JHY: variants seen among roughly 807,000 people sequenced by gnomAD.
The protein encoded by JHY is jhy protein homolog.
A neutral mutation model predicts 78.0 loss-of-function variants in JHY; 69 were observed. That is an observed-to-expected ratio of 0.88 (90% CI 0.73 to 1.08). The LOEUF is 1.08. Among genes scored for constraint, JHY ranks in the 50% least tolerant of loss-of-function variants. The pLI is 0.00. For synonymous variants in JHY, 368 were observed against 342.6 expected (o/e 1.07, Z -0.82); for missense variants, 944 against 927.8 (o/e 1.02, Z -0.23).
chr11:122,936,324 A>C (rs575981996), intron 5 of JHY, among the ~76,000 whole-genome samples: 1 of 152,320 alleles, frequency 6.6e-6, no homozygotes, highest in South Asian at 2.1e-4. Context: ...GAGTTGATCA[A>C]AGAACATTTA....
intron 5 of JHY, among the ~76,000 whole-genome samples, chr11:122,936,696 C>A (rs1356241041): frequency 2.0e-5 from 3 of 152,042 alleles, no homozygotes; most frequent in Non-Finnish European, 2.9e-5. Flanking sequence ...CCCTTTTATT[C>A]CTAGGGTTAA....
intron 2 of JHY, among the ~76,000 whole-genome samples, chr11:122,896,479 G>A (rs1018169644): frequency 2.0e-5 from 3 of 151,542 alleles, no homozygotes; most frequent in African/African-American, 7.3e-5. Context: ...GTTTCATCAT[G>A]TGAAAGTACT....
intron 2 of JHY, among the ~76,000 whole-genome samples, chr11:122,888,592 A>G (rs1185762296): frequency 6.6e-6 from 1 of 152,094 alleles, no homozygotes; most frequent in East Asian, 1.9e-4. Flanking sequence ...ACAGAGAAAA[A>G]TACAGTATAA....
Position 122,957,394 on chromosome 11 carries a change from C to A in JHY, c.2042C>A (p.Ala681Glu), listed in dbSNP as rs1864214793. ...AAATTAATACAGCAAAAGGAATATG[C>A]AAAACAAGTCAAGGAGTACAACATG... ...TQKLIQQKEYAKQVKEYNMKT... is the reference protein window; with the variant it reads ...TQKLIQQKEYEKQVKEYNMKT... Residue 681 changes from alanine to glutamate, a missense_variant, in exon 8 of 9, where the codon GCA becomes GAA. Coordinates refer to ENST00000227349, the MANE Select transcript of JHY (RefSeq NM_024806.4). 1 of 1,533,412 alleles carries A rather than the reference C, an allele frequency of 6.5e-7. No individual in the cohort carries two copies. Among genetic ancestry groups the A allele is most frequent in the Non-Finnish European group, 8.7e-7 (1 of 1,153,122 alleles). 95.0% of individuals were successfully genotyped at this position (1,533,412 alleles called of 1,614,324 possible).
intron 3 of JHY, chr11:122,905,143 A>G: frequency 6.6e-7 from 1 of 1,519,254 alleles, no homozygotes; most frequent in Middle Eastern, 1.7e-4. Context: ...AAATTGGGAC[A>G]GTAATAAATG....
intron 2 of JHY, among the ~76,000 whole-genome samples, chr11:122,896,777 A>T (rs529615926): frequency 6.6e-6 from 1 of 152,332 alleles, no homozygotes; most frequent in African/African-American, 2.4e-5. Flanking sequence ...GCTCTCTGAC[A>T]CGTGCTTCCA....
chr11:122,904,627 A>G (rs936735861), intron 3 of JHY, among the ~76,000 whole-genome samples, 183 bp downstream of exon 3: 2 of 152,204 alleles, frequency 1.3e-5, no homozygotes, highest in African/African-American at 4.8e-5. Flanking sequence ...TCTTATGACC[A>G]AAATAAAAGC....
intron 2 of JHY, among the ~76,000 whole-genome samples, chr11:122,888,127 A>T (rs969602207): frequency 6.6e-6 from 1 of 152,070 alleles, no homozygotes; most frequent in African/African-American, 2.4e-5. Context: ...AGTAAAAGTG[A>T]TAAGAGTTGT....
rs772741389 is a variant in JHY, at chr11:122,886,094, G to T, written c.245G>T (p.Trp82Leu). 6.2e-7 allele frequency: 1 copy of T among 1,614,144 alleles called. No homozygotes were observed. Among genetic ancestry groups the T allele is most frequent in the South Asian group, 1.1e-5 (1 of 91,080 alleles). ...DSLDEEESPR[W>L]GSLHEMEEEA... ...TTAGACGAGGAGGAAAGCCCTCGAT[G>T]GGGAAGCCTGCACGAGATGGAAGAG... is the stretch of plus-strand genomic sequence containing the variant. Residue 82 changes from tryptophan (W) to leucine (L), a missense_variant, in exon 2 of 9, where the codon TGG (tryptophan) becomes TTG (leucine). Trp to Leu is a moderately conservative substitution (Grantham distance 61). Coordinates refer to ENST00000227349, the MANE Select transcript of JHY (RefSeq NM_024806.4).
At chr11:122,905,032 A>C in intron 3 of JHY, 1 of 715,394 alleles carries the variant, frequency 1.4e-6, no homozygotes, top group Non-Finnish European at 2.3e-6. Flanking sequence ...TTTTTTTTTC[A>C]ATCTTCAGAT....
chr11:122,885,858 AC>A lies in JHY; in HGVS notation c.10del (p.Arg4ValfsTer3). ...TTTTTGCATTTTTCAAGATGAGTAA[AC>A]GTAAACTAATTCCCAAGCTCTCTAT... is the stretch of plus-strand genomic sequence containing the variant. MSK[R>X]KLIPKLSIQS... On this transcript the variant is annotated frameshift_variant, in exon 2 of 9. Coordinates refer to ENST00000227349, the MANE Select transcript of JHY (RefSeq NM_024806.4). LOFTEE classifies it high-confidence loss of function. 6.2e-7 allele frequency: 1 copy of A among 1,606,478 alleles called. No homozygotes were observed. The highest frequency in any genetic ancestry group is 8.5e-7 in the Non-Finnish European group (1 of 1,174,544).
rs1864315279 is a variant in JHY, at chr11:122,961,455, A to G, written c.*2010A>G. 6.6e-6 allele frequency among the ~76,000 whole-genome samples: 1 copy of G among 152,040 alleles called. No individual in the cohort carries two copies. Among genetic ancestry groups the G allele is most frequent in the Non-Finnish European group, 1.5e-5 (1 of 68,006 alleles). On this transcript the variant is annotated 3_prime_UTR_variant, in exon 9 of 9. Transcript: ENST00000227349. ...ATTCTCCTGTCTCAGCCTCCCTTCAAGCAATTCTCCTGTCTCAGCCTCCCG... is the reference window on the plus strand; with the variant it reads ...ATTCTCCTGTCTCAGCCTCCCTTCAGGCAATTCTCCTGTCTCAGCCTCCCG...
intron 6 of JHY, among the ~76,000 whole-genome samples, chr11:122,956,071 T>C (rs1864183349): frequency 6.6e-6 from 1 of 151,726 alleles, no homozygotes; most frequent in Non-Finnish European, 1.5e-5. Flanking sequence ...CTCAAGAGGC[T>C]GAGGTGGGAG....
chr11:122,884,027 T>A (rs1289585073), intron 1 of JHY, among the ~76,000 whole-genome samples: 1 of 152,218 alleles, frequency 6.6e-6, no homozygotes, highest in Non-Finnish European at 1.5e-5. Flanking sequence ...ATAGATTTGC[T>A]GCTTTCTTGG....
intron 3 of JHY, among the ~76,000 whole-genome samples, chr11:122,906,633 A>T (rs1156539084): frequency 6.6e-6 from 1 of 152,250 alleles, no homozygotes; most frequent in African/African-American, 2.4e-5. Context: ...TTTTAGTCTG[A>T]GGTCAAAAGA....
Position 122,960,841 on chromosome 11 carries a change from A to G in JHY, c.*1396A>G, listed in dbSNP as rs558150412. On this transcript the variant is annotated 3_prime_UTR_variant, in exon 9 of 9. Coordinates refer to ENST00000227349, the MANE Select transcript of JHY (RefSeq NM_024806.4). ...AAGCGCCATTACCTTTTTGATGTGC[A>G]GAGGAATAACATTGCTATGGCTGTG... 6.0e-5 allele frequency: 39 copies of G among 644,766 alleles called. No individual in the cohort carries two copies. The East Asian group carries it at 1.1e-3, about 18-fold the overall frequency. The allele number at this position is 644,766 out of a possible 1,614,324, so 39.9% of individuals were successfully genotyped here. A position where few individuals can be genotyped will look rare whatever the true frequency, so the allele number is the denominator to read the frequency against.
chr11:122,939,328 G>A (rs996736897), intron 5 of JHY, among the ~76,000 whole-genome samples: 1 of 152,008 alleles, frequency 6.6e-6, no homozygotes, highest in African/African-American at 2.4e-5. Context: ...TCTTTTTTAA[G>A]TAACTCTCAC....
intron 5 of JHY, among the ~76,000 whole-genome samples, chr11:122,943,330 T>G (rs1159154285): frequency 6.6e-6 from 1 of 152,258 alleles, no homozygotes; most frequent in Non-Finnish European, 1.5e-5. Context: ...ATCATTCACA[T>G]GATACCAAGT....
chr11:122,955,173 T>C (rs943802916), intron 6 of JHY, among the ~76,000 whole-genome samples: 1 of 152,170 alleles, frequency 6.6e-6, no homozygotes, highest in Non-Finnish European at 1.5e-5. Flanking sequence ...CAGGCTGGAA[T>C]GCAGTGTTGC....
Sources: gnomAD v4.1 joint callset for allele counts (sites outside exome capture counted in the v4.1 genomes callset) on GRCh38, gnomAD v4.1.1 for gene constraint, MANE v1.5 for transcripts, NCBI Gene and HGNC (gene_info 2026-07-23, HGNC 2026-07-21) for gene names.